Variants in SNX13 observed in about 807,000 individuals in gnomAD.
SNX13 encodes the protein sorting nexin-13.
Under a neutral mutation model 133.6 loss-of-function variants are expected in SNX13, and 45 were observed. That is an observed-to-expected ratio of 0.34 (90% CI 0.27 to 0.43). The LOEUF is 0.43. Ranked by LOEUF, SNX13 falls within the 20% of genes least tolerant of loss-of-function variation. SNX13 has a pLI of 1.00. For synonymous variants in SNX13, 414 were observed against 373.9 expected (o/e 1.11, Z -1.24); for missense variants, 1,032 against 1,145.1 (o/e 0.90, Z 1.43).
Position 17,875,574 on chromosome 7 carries a change from T to C in SNX13, c.570A>G (p.Ala190=), listed in dbSNP as rs754976781. Residue 190 remains alanine, a synonymous_variant, in exon 7 of 26, where the codon GCA becomes GCG. Coordinates refer to ENST00000428135, the MANE Select transcript of SNX13 (RefSeq NM_015132.5). ...TEKDDQVKGT[A]EDLVDTFFEV... ...CAAAGAAGGTATCTACAAGATCTTCTGCTGTACCTAAAGAAAAACAATTCA... is the reference window on the plus strand; with the variant it reads ...CAAAGAAGGTATCTACAAGATCTTCCGCTGTACCTAAAGAAAAACAATTCA... The C allele has an allele frequency of 6.8e-6, 11 of 1,611,452 alleles. No homozygotes were observed. In the East Asian group the frequency reaches 2.5e-4, roughly 36 times the overall value.
intron 1 of SNX13, 44 bp downstream of exon 1, chr7:17,940,240 C>G: frequency 6.4e-7 from 1 of 1,553,124 alleles, no homozygotes. Flanking sequence ...GCGCCGGCCC[C>G]TTCCCCATTT....
intron 1 of SNX13, among the ~76,000 whole-genome samples, chr7:17,927,186 CATATAAT>C (rs761181778): frequency 1.0e-4 from 15 of 149,522 alleles, no homozygotes; most frequent in Non-Finnish European, 1.8e-4. Flanking sequence ...TATGCGTGTA[CATATAAT>C]ATATATGTGT....
At chr7:17,796,745 G>C in intron 25 of SNX13, 82 bp downstream of exon 25, 1 of 943,336 alleles carries the variant, frequency 1.1e-6, no homozygotes, top group Non-Finnish European at 1.7e-6. Flanking sequence ...TAATCAAAAG[G>C]CAGTTACACT....
At position 17,830,161 on chromosome 7, in the gene SNX13, T is replaced by A. The variant is rs879037553; in HGVS notation, c.1598-114A>T. ...CATAAGCCAAGATATAACATAATAG[T>A]AAAAAAAAAAAAAAAAAAAAAAATT... On this transcript the variant is annotated intron_variant, in intron 15 of 25. Transcript: ENST00000428135. 4.8e-5 allele frequency: 23 copies of A among 475,426 alleles called. No individual in the cohort carries two copies. The highest frequency in any genetic ancestry group is 1.1e-4 in the Admixed American group (1 of 9,114). The allele number at this position is 475,426 out of a possible 1,614,324, so 29.5% of individuals were successfully genotyped here.
intron 1 of SNX13, among the ~76,000 whole-genome samples, chr7:17,904,375 T>C (rs1798165367): frequency 6.6e-6 from 1 of 152,198 alleles, no homozygotes; most frequent in Admixed American, 6.5e-5. Flanking sequence ...CTCTTCACAA[T>C]CACACAACTA....
chr7:17,908,580 A>T (rs1241238998), intron 1 of SNX13, among the ~76,000 whole-genome samples: 1 of 152,218 alleles, frequency 6.6e-6, no homozygotes, highest in African/African-American at 2.4e-5. Context: ...TCCACTGCAC[A>T]ATTTACAATT....
intron 1 of SNX13, among the ~76,000 whole-genome samples, chr7:17,901,144 G>A (rs1234854022): frequency 1.3e-5 from 2 of 152,114 alleles, no homozygotes; most frequent in Non-Finnish European, 2.9e-5. Context: ...GGGGCCTCAG[G>A]ACTCTGCCTG....
chr7:17,886,288 T>TG (rs540788918), intron 5 of SNX13, among the ~76,000 whole-genome samples: 1 of 151,994 alleles, frequency 6.6e-6, no homozygotes, highest in East Asian at 1.9e-4. Flanking sequence ...CTACTTTCGC[T>TG]GGGGGGCACA....
At chr7:17,911,914 A>G in intron 1 of SNX13, among the ~76,000 whole-genome samples, 1 of 152,204 alleles carries the variant, frequency 6.6e-6, no homozygotes, top group Admixed American at 6.5e-5. Flanking sequence ...CAGTTCTTTC[A>G]GGCTTTGAGA....
At chr7:17,799,872 G>C (rs1224118093) in intron 22 of SNX13, among the ~76,000 whole-genome samples, 2 of 151,706 alleles carry the variant, frequency 1.3e-5, no homozygotes, top group African/African-American at 4.8e-5. Flanking sequence ...ACATATAATT[G>C]TTAGTAATTT....
At chr7:17,827,786 G>A (rs1788071238) in intron 16 of SNX13, among the ~76,000 whole-genome samples, 1 of 151,658 alleles carries the variant, frequency 6.6e-6, no homozygotes, top group African/African-American at 2.4e-5. Flanking sequence ...AAAAAGGAGT[G>A]CATTTATTTT....
rs551606057 is a variant in SNX13, at chr7:17,816,231, T to C, written c.1904A>G (p.Asp635Gly). The change falls in exon 19 of 26, where the codon GAT becomes GGT. Residue 635 changes from aspartate (D) to glycine (G), a missense_variant. Transcript: ENST00000428135. ...LPGKKTFNNM[D>G]RDFLEKRKKD... Reference sequence around the variant, plus strand: ...TTTTCTCTTTTCTAAAAAATCTCTATCCATATTATTAAAAGTCTTTTTTCC... The same window carrying C: ...TTTTCTCTTTTCTAAAAAATCTCTACCCATATTATTAAAAGTCTTTTTTCC... 1.9e-6 allele frequency: 3 copies of C among 1,543,446 alleles called. No homozygotes were observed. Among genetic ancestry groups the C allele is most frequent in the Admixed American group, 4.0e-5 (2 of 49,748 alleles).
intron 5 of SNX13, chr7:17,889,272 G>A (rs910668236): frequency 6.6e-5 from 10 of 152,364 alleles, no homozygotes; most frequent in South Asian, 2.1e-4. Flanking sequence ...CGAGGGATGA[G>A]GAGTACAAAT....
chr7:17,814,825 C>T lies in SNX13; in HGVS notation c.2064+9G>A. 3 of 1,520,090 alleles carry T rather than the reference C, an allele frequency of 2.0e-6. No individual in the cohort carries two copies. Among genetic ancestry groups the T allele is most frequent in the South Asian group, 2.6e-5 (2 of 76,004 alleles). The allele number at this position is 1,520,090 out of a possible 1,614,324, so 94.2% of individuals were successfully genotyped here. A position where few individuals can be genotyped will look rare whatever the true frequency, so the allele number is the denominator to read the frequency against. On this transcript the variant is annotated intron_variant, in intron 20 of 25. Coordinates refer to ENST00000428135, the MANE Select transcript of SNX13 (RefSeq NM_015132.5). ...GAAAGAAACCCAGTGCAGTGGTCTG[C>T]TTACTTACCTTGCGAGCAAAATCCC...
At chr7:17,871,904 T>C (rs543004968) in intron 8 of SNX13, among the ~76,000 whole-genome samples, 4 of 152,276 alleles carry the variant, frequency 2.6e-5, no homozygotes, top group South Asian at 2.1e-4. Flanking sequence ...TATAAGCCTC[T>C]TGAAGGACTT....
chr7:17,887,506 G>T (rs1317221347), intron 5 of SNX13, among the ~76,000 whole-genome samples: 1 of 152,068 alleles, frequency 6.6e-6, no homozygotes, highest in East Asian at 1.9e-4. Flanking sequence ...TAAATAAGAT[G>T]TTATGACTAC....
At chr7:17,874,464 T>G (rs1794478725) in intron 7 of SNX13, among the ~76,000 whole-genome samples, 1 of 152,180 alleles carries the variant, frequency 6.6e-6, no homozygotes, top group Admixed American at 6.5e-5. Flanking sequence ...AGGGAGTCAG[T>G]ACCCGAAACC....
At chr7:17,799,799 G>T (rs746276293) in intron 22 of SNX13, among the ~76,000 whole-genome samples, 5 of 151,690 alleles carry the variant, frequency 3.3e-5, no homozygotes, top group African/African-American at 4.8e-5. Flanking sequence ...AAAGGAAGAC[G>T]ATCGGAATGC....
intron 17 of SNX13, among the ~76,000 whole-genome samples, chr7:17,825,257 A>AACTAGACTAGACTAGACTAG (rs3056689): frequency 1.5e-3 from 221 of 146,512 alleles, no homozygotes; most frequent in South Asian, 5.6e-3. Flanking sequence ...AACTAGATTA[A>AACTAGACTAGACTAGACTAG]ACTAGACTAG....
Sources: gnomAD v4.1 joint callset for allele counts (sites outside exome capture counted in the v4.1 genomes callset) on GRCh38, gnomAD v4.1.1 for gene constraint, MANE v1.5 for transcripts, NCBI Gene and HGNC (gene_info 2026-07-23, HGNC 2026-07-21) for gene names.